Variants in UPRT observed in about 807,000 individuals in gnomAD.
UPRT encodes uracil phosphoribosyltransferase homolog, also known as RP11-311P8.3.
UPRT carries 5 observed loss-of-function variants against 22.6 expected under a neutral mutation model. The ratio of observed to expected loss-of-function variants is 0.22; its 90% CI spans 0.12 to 0.47. The LOEUF (loss-of-function observed/expected upper bound fraction) is 0.47. Among genes scored for constraint, UPRT ranks in the 20% least tolerant of loss-of-function variants. UPRT has a pLI of 0.99. For missense variants in UPRT, 181 were observed against 239.9 expected, an observed-to-expected ratio of 0.75 and a Z score of 1.62; for synonymous variants, 77 against 87.7, an observed-to-expected ratio of 0.88 and a Z score of 0.68.
At chrX:75,257,820 C>T (rs983066086) in intron 4 of UPRT, among the ~76,000 whole-genome samples, 1 of 111,207 alleles carries the variant, frequency 9.0e-6, no homozygotes, top group Admixed American at 9.6e-5. Context: ...AGGAGCAGCT[C>T]CAGTCTGCAG....
At chrX:75,274,944 T>C in intron 1 of UPRT, among the ~76,000 whole-genome samples, 1 of 109,916 alleles carries the variant, frequency 9.1e-6, no homozygotes, top group Non-Finnish European at 1.9e-5. Flanking sequence ...TCCTTGGCCA[T>C]TCCAGGCAGG....
chrX:75,213,303 G>A (rs1426950221), intron 4 of UPRT, among the ~76,000 whole-genome samples: 1 of 112,129 alleles, frequency 8.9e-6, no homozygotes, highest in African/African-American at 3.2e-5. Context: ...GGTTATATAT[G>A]CGTGCATTTT....
In UPRT at chrX:75,304,348, T is replaced by A. The variant is rs1209093778; in HGVS notation, c.*837T>A. On this transcript the variant is annotated 3_prime_UTR_variant, in exon 7 of 7. Transcript: ENST00000373383. ...TGGCCAGTAAGTAAATTTAAATGCT[T>A]CATTTTTAATTTGGATGTTTCTGCT... 2 of 111,688 alleles carry A rather than the reference T, an allele frequency of 1.8e-5. No homozygotes were observed. The highest frequency in any genetic ancestry group is 9.6e-5 in the Admixed American group (1 of 10,468). 9.2% of individuals were successfully genotyped at this position (111,688 alleles called of 1,213,427 possible).
At chrX:75,280,338 A>G (rs1320588988) in intron 1 of UPRT, among the ~76,000 whole-genome samples, 4 of 111,876 alleles carry the variant, frequency 3.6e-5, no homozygotes, top group Non-Finnish European at 3.8e-5. Flanking sequence ...GTTCCTGGTC[A>G]TGAAATCTTT....
rs867399561 is a variant in UPRT at position 75,244,373 on chromosome X, A to G, written c.-446-46651A>G. ...AATGTACAGATTCAATGCTATTCCT[A>G]TCAAACTACCAATGACATTCTTTAC... is the stretch of plus-strand genomic sequence containing the variant. On this transcript the variant is annotated intron_variant, in intron 4 of 13. Coordinates refer to the UPRT transcript ENST00000652605. Among the ~76,000 whole-genome samples the G allele has an allele frequency of 5.3e-5, 6 of 112,280 alleles. No homozygotes were observed. In the East Asian group the frequency reaches 1.1e-3, roughly 21 times the overall value.
chrX:75,161,478 TC>T (rs1305005050), intron 2 of UPRT, among the ~76,000 whole-genome samples: 4 of 112,655 alleles, frequency 3.6e-5, no homozygotes, highest in Non-Finnish European at 7.5e-5. Context: ...ATGCTTAACC[TC>T]CAGGGGAAAA....
chrX:75,159,272 A>G (rs1381929802), intron 1 of UPRT, among the ~76,000 whole-genome samples: 2 of 112,309 alleles, frequency 1.8e-5, no homozygotes, highest in East Asian at 2.8e-4. Flanking sequence ...AGTTCCATCA[A>G]TGTTGCTGCA....
chrX:75,206,743 C>G (rs1285867143), intron 4 of UPRT, among the ~76,000 whole-genome samples: 1 of 110,738 alleles, frequency 9.0e-6, no homozygotes, highest in Non-Finnish European at 1.9e-5. Flanking sequence ...TGGCTCACTG[C>G]AACCTCCACC....
At chrX:75,175,049 T>A (rs1305539694) in intron 4 of UPRT, among the ~76,000 whole-genome samples, 3 of 110,929 alleles carry the variant, frequency 2.7e-5, no homozygotes, top group Non-Finnish European at 5.7e-5. Context: ...CTTTCTGGTC[T>A]TTCCTTACTT....
intron 5 of UPRT, among the ~76,000 whole-genome samples, chrX:75,300,100 C>A (rs755220926): frequency 6.2e-5 from 7 of 112,314 alleles, no homozygotes; most frequent in Non-Finnish European, 1.1e-4. Context: ...TTAGCCCCAA[C>A]AAACTTCCGT....
chrX:75,206,874 T>C (rs547892428), intron 4 of UPRT, among the ~76,000 whole-genome samples: 73 of 111,569 alleles, frequency 6.5e-4, no homozygotes, highest in Non-Finnish European at 1.1e-3. Context: ...CCGTGTTAGC[T>C]AGGATGGTCT....
At chrX:75,257,329 T>C (rs1602477606) in intron 4 of UPRT, among the ~76,000 whole-genome samples, 1 of 111,675 alleles carries the variant, frequency 9.0e-6, no homozygotes. Flanking sequence ...CCCTTTATGA[T>C]TGAAACTTTC....
In UPRT at chrX:75,170,356, TG is replaced by T. The variant is rs1024417546; in HGVS notation, c.-447+2478del. 3.6e-5 allele frequency among the ~76,000 whole-genome samples: 4 copies of T among 111,655 alleles called. No individual in the cohort carries two copies. In the Admixed American group the frequency reaches 3.8e-4, roughly 11 times the overall value. ...CTGGCCTGTCTTTTTTAACTGCTTTTGCTTCAAAGTTCTTTTTGTCTGATAT... is the reference window on the plus strand; with the variant it reads ...CTGGCCTGTCTTTTTTAACTGCTTTTCTTCAAAGTTCTTTTTGTCTGATAT... On this transcript the variant is annotated intron_variant, in intron 4 of 13. Transcript: ENST00000652605.
chrX:75,301,563 T>C (rs1374651376), intron 6 of UPRT, among the ~76,000 whole-genome samples: 1 of 111,626 alleles, frequency 9.0e-6, no homozygotes, highest in African/African-American at 3.3e-5. Flanking sequence ...TTATTTGGTA[T>C]AAGAAAAAAT....
chrX:75,245,989 C>G (rs968448915), intron 4 of UPRT, among the ~76,000 whole-genome samples: 1 of 111,302 alleles, frequency 9.0e-6, no homozygotes, highest in Admixed American at 9.6e-5. Flanking sequence ...TATATAAAAA[C>G]GAATTGACTT....
chrX:75,225,127 T>C (rs976068876), intron 4 of UPRT, among the ~76,000 whole-genome samples: 1 of 110,940 alleles, frequency 9.0e-6, no homozygotes, highest in African/African-American at 3.3e-5. Flanking sequence ...GAAAGGGCTA[T>C]TGGGTCCCCA....
At chrX:75,280,160 G>A (rs996473790) in intron 1 of UPRT, among the ~76,000 whole-genome samples, 2 of 108,032 alleles carry the variant, frequency 1.9e-5, no homozygotes, top group East Asian at 3.0e-4. Flanking sequence ...TGAGTTCCTC[G>A]TAGATTCTGG....
At chrX:75,232,317 C>A (rs2082441353) in intron 4 of UPRT, among the ~76,000 whole-genome samples, 1 of 112,504 alleles carries the variant, frequency 8.9e-6, no homozygotes, top group South Asian at 3.7e-4. Context: ...TGATTGCTAG[C>A]ACAGCAGTCT....
intron 1 of UPRT, among the ~76,000 whole-genome samples, chrX:75,289,307 A>C (rs2082695731): frequency 8.9e-6 from 1 of 111,952 alleles, no homozygotes; most frequent in Non-Finnish European, 1.9e-5. Flanking sequence ...AGAAATAATA[A>C]ATGACACAGT....
Sources: allele counts gnomAD v4.1 joint callset (sites outside exome capture counted in the v4.1 genomes callset), GRCh38; gene constraint gnomAD v4.1.1; transcripts MANE v1.5; gene names NCBI Gene and HGNC (gene_info 2026-07-23, HGNC 2026-07-21).